The following PDLIM3 variants were observed in gnomAD, a reference collection of about 807,000 sequenced individuals.
PDLIM3 encodes the protein PDZ and LIM domain 3.
In PDLIM3, 36 loss-of-function variants were observed where a neutral mutation model predicts 37.3. The ratio of observed to expected loss-of-function variants is 0.97; its 90% CI spans 0.74 to 1.28. The LOEUF (loss-of-function observed/expected upper bound fraction) is 1.28, where lower values mean the gene tolerates loss of function less well. Ranked by LOEUF, PDLIM3 falls within the 50% of genes most tolerant of loss-of-function variation. PDLIM3 has a pLI of 0.00. For missense variants in PDLIM3, 454 were observed against 485.0 expected, an observed-to-expected ratio of 0.94 and a Z score of 0.60; for synonymous variants, 174 against 182.4, an observed-to-expected ratio of 0.95 and a Z score of 0.37.
intron 3 of PDLIM3, among the ~76,000 whole-genome samples, chr4:185,519,951 C>G (rs755037160): frequency 2.0e-5 from 3 of 152,018 alleles, no homozygotes; most frequent in Non-Finnish European, 2.9e-5. Context: ...ATTTGCTGTC[C>G]AGAAGATTGC....
chr4:185,502,532 T>C (rs751995243), intron 7 of PDLIM3, 49 bp from the exon 8 acceptor site: 1 of 1,550,668 alleles, frequency 6.4e-7, no homozygotes, highest in Non-Finnish European at 8.9e-7. Flanking sequence ...AGAGCAAAAA[T>C]ATGAGACAAA....
intron 3 of PDLIM3, chr4:185,515,361 A>C (rs371891207): frequency 6.6e-6 from 1 of 152,318 alleles, no homozygotes; most frequent in East Asian, 1.9e-4. Context: ...AAGGAGAATG[A>C]GCATTTACGA....
intron 2 of PDLIM3, 95 bp downstream of exon 2, chr4:185,524,925 G>T: frequency 8.3e-7 from 1 of 1,211,780 alleles, no homozygotes; most frequent in Non-Finnish European, 1.2e-6. Context: ...CTAGGTCTGT[G>T]GCCCTCCTTG....
intron 1 of PDLIM3, among the ~76,000 whole-genome samples, chr4:185,532,675 G>A (rs2095746690): frequency 6.6e-6 from 1 of 152,188 alleles, no homozygotes; most frequent in Admixed American, 6.5e-5. Flanking sequence ...GATAGGAGAT[G>A]GTGAAAAGTC....
intron 1 of PDLIM3, among the ~76,000 whole-genome samples, chr4:185,527,449 T>A (rs1383864551): frequency 6.6e-6 from 1 of 152,250 alleles, no homozygotes; most frequent in Non-Finnish European, 1.5e-5. Context: ...CTAAAATGTT[T>A]ATTGTACTCA....
chr4:185,506,343 A>T (rs2095697066), intron 6 of PDLIM3, among the ~76,000 whole-genome samples, 179 bp downstream of exon 6: 2 of 151,938 alleles, frequency 1.3e-5, no homozygotes, highest in South Asian at 4.1e-4. Context: ...CATGTCCTGG[A>T]ATCTCCTTTT....
chr4:185,517,564 A>G (rs983780063), intron 3 of PDLIM3: 1 of 151,730 alleles, frequency 6.6e-6, no homozygotes, highest in African/African-American at 2.4e-5. Flanking sequence ...TGCATTAATA[A>G]TCTCTAGTAG....
chr4:185,503,224 A>C (rs983938292), intron 7 of PDLIM3, among the ~76,000 whole-genome samples: 5 of 90,862 alleles, frequency 5.5e-5, no homozygotes, highest in Admixed American at 3.8e-4. Context: ...ACTGTCTCAA[A>C]AACAACAACA....
In PDLIM3 at chr4:185,501,067, G is replaced by C. The variant is rs1322318768; in HGVS notation, c.*1227C>G. The C allele has an allele frequency of 6.6e-6, 1 of 152,262 alleles. No homozygotes were observed. The highest frequency in any genetic ancestry group is 1.5e-5 in the Non-Finnish European group (1 of 68,112). The allele number at this position is 152,262 out of a possible 1,614,324, so 9.4% of individuals were successfully genotyped here. A position where few individuals can be genotyped will look rare whatever the true frequency, so the allele number is the denominator to read the frequency against. Reference sequence around the variant, plus strand: ...TGGGGGACATGGAAAGTAGGTGAGAGATGCAAGTCAGGAGCATTGCCATGG... The same window carrying C: ...TGGGGGACATGGAAAGTAGGTGAGACATGCAAGTCAGGAGCATTGCCATGG... On this transcript the variant is annotated 3_prime_UTR_variant, in exon 8 of 8. Transcript: ENST00000284767.
chr4:185,514,215 A>G lies in PDLIM3; in HGVS notation c.398+55T>C, dbSNP rs767231736. On this transcript the variant is annotated intron_variant, in intron 4 of 7. Coordinates refer to ENST00000284767, the MANE Select transcript of PDLIM3 (RefSeq NM_014476.6). The surrounding 1 kb of genome is among the most constrained non-coding windows in gnomAD (Gnocchi z 4.0). ...CCAGTTACTTTTCTTGATGATTAGTAAGAACTGATTTAAGAAGCATGCACT... is the reference window on the plus strand; with the variant it reads ...CCAGTTACTTTTCTTGATGATTAGTGAGAACTGATTTAAGAAGCATGCACT... The G allele has an allele frequency of 6.4e-5, 103 of 1,614,004 alleles. No homozygotes were observed. The highest frequency in any genetic ancestry group is 8.4e-5 in the Non-Finnish European group (99 of 1,179,998).
intron 1 of PDLIM3, among the ~76,000 whole-genome samples, chr4:185,534,542 T>C (rs1436300060): frequency 6.6e-6 from 1 of 152,214 alleles, no homozygotes; most frequent in East Asian, 1.9e-4. Flanking sequence ...AGAGAAACCC[T>C]GAGGTTTTAT....
Position 185,521,772 on chromosome 4 carries a change from A to T in PDLIM3, c.330+1590T>A, listed in dbSNP as rs1211571252. Among the ~76,000 whole-genome samples the T allele has an allele frequency of 4.6e-5, 3 of 65,810 alleles. 1 individual carries two copies. The highest frequency in any genetic ancestry group is 8.3e-5 in the African/African-American group (3 of 36,262). The allele number at this position is 65,810 out of a possible 152,430, so 43.2% of individuals were successfully genotyped here. On this transcript the variant is annotated intron_variant, in intron 3 of 7. Transcript: ENST00000284767. ...CATTTTGAGAACTGGCTCCCAGGACAGGTCCTGGCAATGTTAGAAAATGCA... is the reference window on the plus strand; with the variant it reads ...CATTTTGAGAACTGGCTCCCAGGACTGGTCCTGGCAATGTTAGAAAATGCA...
Position 185,504,397 on chromosome 4 carries a change from T to C in PDLIM3, c.905+78A>G. Reference sequence around the variant, plus strand: ...ATTTGGTTTTCACAGTTGCCTTTAGTCTATAAAGTCTTAAAGGAGAAGAAA... The same window carrying C: ...ATTTGGTTTTCACAGTTGCCTTTAGCCTATAAAGTCTTAAAGGAGAAGAAA... On this transcript the variant is annotated intron_variant, in intron 7 of 7. Coordinates refer to ENST00000284767, the MANE Select transcript of PDLIM3 (RefSeq NM_014476.6). This position sits in a 1 kb window ranked among gnomAD's most constrained non-coding sequence, Gnocchi z 4.7. The C allele has an allele frequency of 8.2e-7, 1 of 1,213,666 alleles. No homozygotes were observed. Among genetic ancestry groups the C allele is most frequent in the Middle Eastern group, 1.9e-4 (1 of 5,362 alleles). 75.2% of individuals were successfully genotyped at this position (1,213,666 alleles called of 1,614,324 possible).
intron 1 of PDLIM3, among the ~76,000 whole-genome samples, chr4:185,532,047 G>A (rs1037917236): frequency 1.3e-5 from 2 of 152,070 alleles, no homozygotes; most frequent in Admixed American, 6.5e-5. Flanking sequence ...GCAGTGAGGC[G>A]AGATCGCGCC....
chr4:185,517,633 G>C (rs779269694), intron 3 of PDLIM3: 1 of 151,140 alleles, frequency 6.6e-6, no homozygotes. Context: ...TGCAATTTTC[G>C]GTTTTGGTTA....
chr4:185,502,562 A>G, intron 7 of PDLIM3, 79 bp from the exon 8 acceptor site: 1 of 1,309,722 alleles, frequency 7.6e-7, no homozygotes, highest in Non-Finnish European at 1.1e-6. Flanking sequence ...CCAACAGAGA[A>G]GGCAGATGTT....
chr4:185,513,115 G>C, intron 4 of PDLIM3: 1 of 983,704 alleles, frequency 1.0e-6, no homozygotes, highest in Non-Finnish European at 1.2e-6. Flanking sequence ...TCTAGGTGCT[G>C]GGGGTATAAT....
intron 1 of PDLIM3, among the ~76,000 whole-genome samples, chr4:185,533,061 G>T (rs1376666468): frequency 6.6e-6 from 1 of 152,116 alleles, no homozygotes; most frequent in Non-Finnish European, 1.5e-5. Flanking sequence ...TCATCGGCGG[G>T]TTAATAAATC....
rs139597307 is a variant in PDLIM3, at chr4:185,501,390, G to T, written c.*904C>A. ...GTCGTCTAAATTGTTTCTTCCTGGA[G>T]ATGCCATCTTGGGAAGAGGAGGAGG... On this transcript the variant is annotated 3_prime_UTR_variant, in exon 8 of 8. Transcript: ENST00000284767. The T allele has an allele frequency of 9.3e-3, 1,415 of 152,416 alleles. 17 individuals carry two copies. Among genetic ancestry groups the T allele is most frequent in the Middle Eastern group, 0.048 (14 of 294 alleles). The allele number at this position is 152,416 out of a possible 1,614,324, so 9.4% of individuals were successfully genotyped here.
Sources: gnomAD v4.1 joint callset for allele counts (sites outside exome capture counted in the v4.1 genomes callset) on GRCh38, gnomAD v4.1.1 for gene constraint, Gnocchi (gnomAD v3.1) non-coding constraint, MANE v1.5 for transcripts, NCBI Gene and HGNC (gene_info 2026-07-23, HGNC 2026-07-21) for gene names.